SSH2: variants seen among roughly 807,000 people sequenced by gnomAD.
The protein encoded by SSH2 is slingshot protein phosphatase 2.
SSH2 carries 37 observed loss-of-function variants against 135.2 expected under a neutral mutation model. The observed-to-expected ratio is 0.27, with a 90% confidence interval of 0.21 to 0.36. SSH2 has a LOEUF of 0.36. Among genes scored for constraint, SSH2 ranks in the 10% least tolerant of loss-of-function variants. The pLI is 1.00. For synonymous variants in SSH2, 628 were observed against 646.2 expected (o/e 0.97, Z 0.43); for missense variants, 1,408 against 1,765.3 (o/e 0.80, Z 3.63).
chr17:29,872,846 A>G (rs2065961728), intron 1 of SSH2, among the ~76,000 whole-genome samples: 1 of 151,900 alleles, frequency 6.6e-6, no homozygotes, highest in Middle Eastern at 3.2e-3. Context: ...AAACACAAAC[A>G]TTAGCTGGGC....
chr17:29,844,295 G>A (rs2043093938), intron 2 of SSH2, among the ~76,000 whole-genome samples: 1 of 152,148 alleles, frequency 6.6e-6, no homozygotes, highest in Non-Finnish European at 1.5e-5. Context: ...AGGGAAATGA[G>A]ATAAATAAGT....
Position 29,650,820 on chromosome 17 carries a change from GA to G in SSH2, c.1080-21del. ...CGTACCCTGCAAGGAAACCAAGGGA[GA>G]ATATGTGCTCTACTACTCAGGCTAA... On this transcript the variant is annotated intron_variant, in intron 12 of 15. Transcript: ENST00000540801. 1 of 1,586,126 alleles carries G rather than the reference GA, an allele frequency of 6.3e-7. No homozygotes were observed. The highest frequency in any genetic ancestry group is 8.6e-7 in the Non-Finnish European group (1 of 1,164,390).
intron 2 of SSH2, among the ~76,000 whole-genome samples, chr17:29,848,019 A>C (rs2043163643): frequency 6.6e-6 from 1 of 152,196 alleles, no homozygotes; most frequent in Non-Finnish European, 1.5e-5. Context: ...AAGGAGCAGT[A>C]CTGTTCAATA....
chr17:29,757,193 C>CA (rs1479217000), intron 3 of SSH2, among the ~76,000 whole-genome samples: 1 of 152,190 alleles, frequency 6.6e-6, no homozygotes, highest in Admixed American at 6.5e-5. Context: ...GGGAAATACT[C>CA]ACAGCACTTG....
At chr17:29,673,851 G>T (rs977782743) in intron 8 of SSH2, 3 of 306,882 alleles carry the variant, frequency 9.8e-6, no homozygotes, top group Non-Finnish European at 1.3e-5. Context: ...TTTTTCAACT[G>T]GATCATTTTT....
intron 11 of SSH2, among the ~76,000 whole-genome samples, chr17:29,657,574 GTT>G (rs764763821): frequency 1.2e-5 from 1 of 80,070 alleles, no homozygotes; most frequent in African/African-American, 5.0e-5. Context: ...CGGCTACTTT[GTT>G]TTTTTTTTTT....
intron 15 of SSH2, among the ~76,000 whole-genome samples, chr17:29,634,965 C>T (rs914811166): frequency 3.3e-5 from 5 of 151,704 alleles, no homozygotes; most frequent in Admixed American, 2.6e-4. Flanking sequence ...TACAGTGGCA[C>T]GACCTCGGCT....
At chr17:29,633,459 C>CTGCTCTCTTT (rs2035774704) in intron 15 of SSH2, among the ~76,000 whole-genome samples, 1 of 152,222 alleles carries the variant, frequency 6.6e-6, no homozygotes. Context: ...TGGAGACTCA[C>CTGCTCTCTTT]TGCTCTCTTT....
intron 3 of SSH2, among the ~76,000 whole-genome samples, chr17:29,708,887 C>T (rs887213595): frequency 6.6e-6 from 1 of 150,662 alleles, no homozygotes; most frequent in Non-Finnish European, 1.5e-5. Flanking sequence ...TAATAGAGCA[C>T]TCCTGACAGT....
intron 3 of SSH2, among the ~76,000 whole-genome samples, chr17:29,740,480 G>A (rs2040519097): frequency 6.7e-6 from 1 of 150,130 alleles, no homozygotes; most frequent in Non-Finnish European, 1.5e-5. Context: ...TGCCATAGGT[G>A]CCTATGGATA....
intron 2 of SSH2, among the ~76,000 whole-genome samples, chr17:29,825,053 T>C (rs957847759): frequency 2.6e-5 from 4 of 152,166 alleles, no homozygotes; most frequent in East Asian, 1.9e-4. Context: ...ATGAAATAAT[T>C]TGATGCCCTG....
intron 2 of SSH2, 133 bp downstream of exon 2, chr17:29,848,716 C>G: frequency 1.8e-6 from 1 of 541,972 alleles, no homozygotes; most frequent in Non-Finnish European, 3.2e-6. Context: ...ATTTGCCTTC[C>G]CAGACATTTG....
At chr17:29,777,812 A>C (rs992000453) in intron 3 of SSH2, 6 of 152,432 alleles carry the variant, frequency 3.9e-5, no homozygotes, top group African/African-American at 1.5e-4. Flanking sequence ...AAAAAAAAAA[A>C]AAACCTGATC....
intron 1 of SSH2, among the ~76,000 whole-genome samples, chr17:29,884,010 T>C (rs2066187357): frequency 6.6e-6 from 1 of 152,102 alleles, no homozygotes; most frequent in African/African-American, 2.4e-5. Flanking sequence ...TGAGAGAGGT[T>C]ACTATGTTGC....
At chr17:29,865,509 G>T (rs1049980397) in intron 1 of SSH2, among the ~76,000 whole-genome samples, 8 of 152,128 alleles carry the variant, frequency 5.3e-5, no homozygotes, top group Non-Finnish European at 1.2e-4. Context: ...GGGCTCTAAG[G>T]AACTTCTAAC....
chr17:29,750,043 T>C (rs2040879334), intron 3 of SSH2, among the ~76,000 whole-genome samples: 1 of 152,156 alleles, frequency 6.6e-6, no homozygotes, highest in Non-Finnish European at 1.5e-5. Flanking sequence ...AAATGTTCTC[T>C]TTTTTCAACA....
chr17:29,680,598 A>G (rs1349643291), intron 6 of SSH2, among the ~76,000 whole-genome samples: 2 of 143,546 alleles, frequency 1.4e-5, no homozygotes, highest in Non-Finnish European at 3.0e-5. Context: ...TCCAGAGCTC[A>G]GGAGATTCAA....
chr17:29,642,572 C>G (rs535141984), intron 14 of SSH2, among the ~76,000 whole-genome samples: 1 of 151,806 alleles, frequency 6.6e-6, no homozygotes, highest in African/African-American at 2.4e-5. Context: ...GACACCACCC[C>G]CCCCACCGCC....
At chr17:29,878,805 TG>T (rs1472275343) in intron 1 of SSH2, among the ~76,000 whole-genome samples, 1 of 152,192 alleles carries the variant, frequency 6.6e-6, no homozygotes, top group Non-Finnish European at 1.5e-5. Flanking sequence ...AGCAAATTAA[TG>T]GTATAATATG....
Sources: gnomAD v4.1 joint callset for allele counts (sites outside exome capture counted in the v4.1 genomes callset) on GRCh38, gnomAD v4.1.1 for gene constraint, MANE v1.5 for transcripts, NCBI Gene and HGNC (gene_info 2026-07-23, HGNC 2026-07-21) for gene names.